The following ZBTB25 variants were observed in gnomAD, a reference collection of about 807,000 sequenced individuals.
ZBTB25 encodes zinc finger and BTB domain containing 25, also known as zinc finger and BTB domain-containing protein 25.
A neutral mutation model predicts 34.2 loss-of-function variants in ZBTB25; 20 were observed. The ratio of observed to expected loss-of-function variants is 0.58; its 90% CI spans 0.41 to 0.85. The LOEUF is 0.85. ZBTB25 is among the 40% of genes least tolerant of loss of function. The probability of loss-of-function intolerance (pLI) is 0.00; values close to 1 mark genes in which losing one functional copy is unlikely to be tolerated. For synonymous variants in ZBTB25, 175 were observed against 186.4 expected, an observed-to-expected ratio of 0.94 and a Z score of 0.50; for missense variants, 437 against 521.8, an observed-to-expected ratio of 0.84 and a Z score of 1.58.
intron 1 of ZBTB25, among the ~76,000 whole-genome samples, chr14:64,496,587 T>C (rs780809040): frequency 1.8e-4 from 28 of 152,210 alleles, no homozygotes; most frequent in Non-Finnish European, 3.1e-4. Context: ...TTTTAAAATA[T>C]TTAAAATAGC....
At chr14:64,460,929 G>A (rs1034456625) in intron 2 of ZBTB25, 1 of 152,100 alleles carries the variant, frequency 6.6e-6, no homozygotes, top group African/African-American at 2.4e-5. Context: ...GGGAGGCTGA[G>A]GTACGAGAAT....
In ZBTB25 at chr14:64,453,854, C is replaced by T. The variant is rs201204855; in HGVS notation, c.174-4216G>A. 4.0e-5 allele frequency: 64 copies of T among 1,593,934 alleles called. No homozygotes were observed. The highest frequency in any genetic ancestry group is 5.3e-5 in the Non-Finnish European group (61 of 1,161,802). On this transcript the variant is annotated intron_variant, in intron 2 of 2. Transcript: ENST00000555220. ...GCTCAACACAAAGCTGAAGTCTACACGAAGCAGGTAGATGTTTGGTTAGTT... is the reference window on the plus strand; with the variant it reads ...GCTCAACACAAAGCTGAAGTCTACATGAAGCAGGTAGATGTTTGGTTAGTT...
At chr14:64,489,134 G>T (rs1208860318) in intron 2 of ZBTB25, among the ~76,000 whole-genome samples, 1 of 152,072 alleles carries the variant, frequency 6.6e-6, no homozygotes, top group Non-Finnish European at 1.5e-5. Context: ...TGTGGTCCTA[G>T]CTACTAGGGA....
intron 2 of ZBTB25, among the ~76,000 whole-genome samples, chr14:64,466,072 G>C (rs1161104945): frequency 6.6e-6 from 1 of 152,092 alleles, no homozygotes; most frequent in African/African-American, 2.4e-5. Flanking sequence ...TTCGTGGTCC[G>C]TATCTGGTGC....
chr14:64,465,490 G>A (rs2078602275), intron 2 of ZBTB25: 1 of 151,932 alleles, frequency 6.6e-6, no homozygotes, highest in African/African-American at 2.4e-5. Flanking sequence ...GCACCCGGCG[G>A]CGGGCTCTGC....
At chr14:64,462,375 C>G (rs981434029) in intron 2 of ZBTB25, 3 of 152,476 alleles carry the variant, frequency 2.0e-5, no homozygotes, top group African/African-American at 7.2e-5. Flanking sequence ...TGAGCTATGA[C>G]TGAGCCACCG....
rs755837113 is a variant in ZBTB25, at chr14:64,485,238, G to A, written c.*1685C>T. ...ATTGGACGCTGATGCTGTTGAATGT[G>A]TCAGGAAACGTCCTCAGAAGTGGAG... On this transcript the variant is annotated 3_prime_UTR_variant, in exon 3 of 3. Transcript: ENST00000608382. The A allele has an allele frequency of 5.1e-6, 5 of 985,442 alleles. No individual in the cohort carries two copies. The highest frequency in any genetic ancestry group is 6.0e-6 in the Non-Finnish European group (5 of 829,938). The allele number at this position is 985,442 out of a possible 1,614,324, so 61.0% of individuals were successfully genotyped here.
At chr14:64,461,466 A>G (rs571345695) in intron 2 of ZBTB25, 3 of 151,290 alleles carry the variant, frequency 2.0e-5, no homozygotes, top group Admixed American at 2.0e-4. Flanking sequence ...ATCATCTAAG[A>G]TGCTTTGTAC....
In ZBTB25 at chr14:64,479,475, GCC is replaced by G; in HGVS notation, c.*7446_*7447del. The G allele has an allele frequency of 6.6e-6, 1 of 152,264 alleles. No homozygotes were observed. Among genetic ancestry groups the G allele is most frequent in the East Asian group, 1.9e-4 (1 of 5,196 alleles). 9.4% of individuals were successfully genotyped at this position (152,264 alleles called of 1,614,324 possible). A position where few individuals can be genotyped will look rare whatever the true frequency, so the allele number is the denominator to read the frequency against. On this transcript the variant is annotated 3_prime_UTR_variant, in exon 3 of 3. Transcript: ENST00000608382. ...TGTCCAAATGACTGGGCCATGGGCT[GCC>G]CCAATAGTTAGTCAAACATTATTCT...
rs143775090 is a variant in ZBTB25, at chr14:64,493,955, A to C, written c.-7-3415T>G. Among the ~76,000 whole-genome samples the C allele has an allele frequency of 2.5e-3, 382 of 152,314 alleles. 2 individuals carry two copies. Among genetic ancestry groups the C allele is most frequent in the African/African-American group, 8.5e-3 (354 of 41,568 alleles). ...TGTTTAGTGATCAGCGGGGACAAGA[A>C]GCAGGACAGGGCTCTAGAGAGAGCA... On this transcript the variant is annotated intron_variant, in intron 1 of 2. Transcript: ENST00000608382.
At chr14:64,459,957 C>T in intron 2 of ZBTB25, 2 of 1,519,050 alleles carry the variant, frequency 1.3e-6, no homozygotes, top group Non-Finnish European at 1.8e-6. Context: ...TCATGCATGT[C>T]TGTTTACTTT....
chr14:64,453,890 ACT>A (rs745606062), intron 2 of ZBTB25: 4 of 1,391,220 alleles, frequency 2.9e-6, no homozygotes, highest in East Asian at 2.3e-5. Context: ...TGTCCTTTCA[ACT>A]CTTTGCAAAG....
intron 2 of ZBTB25, chr14:64,457,930 G>T (rs545835529): frequency 1.5e-5 from 8 of 536,546 alleles, no homozygotes; most frequent in Non-Finnish European, 2.7e-5. Context: ...ACATGGCCTT[G>T]CTCTGTCGCC....
chr14:64,454,889 G>A, intron 2 of ZBTB25: 1 of 1,613,786 alleles, frequency 6.2e-7, no homozygotes, highest in Non-Finnish European at 8.5e-7. Context: ...AGTGCATGCT[G>A]CAAGGGAGTA....
chr14:64,476,487 A>AT (rs1357154987), downstream of ZBTB25, among the ~76,000 whole-genome samples: 22 of 144,198 alleles, frequency 1.5e-4, no homozygotes, highest in Admixed American at 4.1e-4. Context: ...TGCCCGGCTA[A>AT]TTTTTTTCTC....
rs534515451 is a variant in ZBTB25 at position 64,486,675 on chromosome 14, T to C, written c.*248A>G. ...TATTTAAGGTTTCCATATTTCTACA[T>C]TGATTTCTGATTTCTAAATTGTTAT... On this transcript the variant is annotated 3_prime_UTR_variant, in exon 3 of 3. Transcript: ENST00000608382. 411 of 1,131,866 alleles carry C rather than the reference T, an allele frequency of 3.6e-4. No individual in the cohort carries two copies. The highest frequency in any genetic ancestry group is 4.2e-4 in the Non-Finnish European group (382 of 912,088). The allele number at this position is 1,131,866 out of a possible 1,614,324, so 70.1% of individuals were successfully genotyped here.
At chr14:64,457,189 G>A (rs1275721338) in intron 2 of ZBTB25, among the ~76,000 whole-genome samples, 4 of 152,162 alleles carry the variant, frequency 2.6e-5, no homozygotes, top group Non-Finnish European at 5.9e-5. Context: ...TCCTACCATC[G>A]TGTTGCTGAA....
chr14:64,472,490 T>G (rs909582329), intron 2 of ZBTB25: 1 of 166,938 alleles, frequency 6.0e-6, no homozygotes, highest in Non-Finnish European at 1.5e-5. Context: ...TTTTTACTTT[T>G]TTCACTGTGG....
chr14:64,485,144 A>G lies in ZBTB25; in HGVS notation c.*1779T>C. On this transcript the variant is annotated 3_prime_UTR_variant, in exon 3 of 3. Coordinates refer to ENST00000608382, the MANE Select transcript of ZBTB25 (RefSeq NM_006977.5). ...AAACTTACCACTTTGTAATTTACCT[A>G]AACTGTTTACCTAGAGAAAACCTTT... 1 of 985,430 alleles carries G rather than the reference A, an allele frequency of 1.0e-6. No homozygotes were observed. The highest frequency in any genetic ancestry group is 1.2e-6 in the Non-Finnish European group (1 of 829,928). The allele number at this position is 985,430 out of a possible 1,614,324, so 61.0% of individuals were successfully genotyped here.
Sources: allele counts gnomAD v4.1 joint callset (sites outside exome capture counted in the v4.1 genomes callset), GRCh38; gene constraint gnomAD v4.1.1; transcripts MANE v1.5; gene names NCBI Gene and HGNC (gene_info 2026-07-23, HGNC 2026-07-21).